The following ADA2 variants were observed in gnomAD, a reference collection of about 807,000 sequenced individuals.
The protein encoded by ADA2 is adenosine deaminase 2, also known as adenosine deaminase CECR1.
Under a neutral mutation model 44.2 loss-of-function variants are expected in ADA2, and 29 were observed. That is an observed-to-expected ratio of 0.66 (90% confidence interval 0.49 to 0.89). The LOEUF (loss-of-function observed/expected upper bound fraction) is 0.89. Among genes scored for constraint, ADA2 ranks in the 40% least tolerant of loss-of-function variants. The pLI, the probability that ADA2 is intolerant of heterozygous loss-of-function variation, is 0.00. For missense variants in ADA2, 637 were observed against 644.8 expected (o/e 0.99, Z 0.13); for synonymous variants, 215 against 234.9 (o/e 0.92, Z 0.77).
intron 5 of ADA2, 61 bp from the exon 6 acceptor site, chr22:17,190,093 G>GA (rs2062096462): frequency 1.5e-6 from 2 of 1,312,974 alleles, no homozygotes; most frequent in African/African-American, 2.9e-5. Flanking sequence ...ACAAACCCCA[G>GA]AGCACACCCT....
At chr22:17,187,543 A>G (rs2062049640) in intron 7 of ADA2, among the ~76,000 whole-genome samples, 1 of 152,016 alleles carries the variant, frequency 6.6e-6, no homozygotes, top group Admixed American at 6.6e-5. Context: ...CACCCACATC[A>G]GCCTCCAAAG....
intron 4 of ADA2, 111 bp from the exon 5 acceptor site, chr22:17,191,921 C>A: frequency 9.1e-7 from 1 of 1,093,822 alleles, no homozygotes; most frequent in African/African-American, 1.6e-5. Context: ...CCCAACCACC[C>A]CCTTCCCAGC....
Position 17,182,713 on chromosome 22 carries a change from A to G in ADA2, c.1130T>C (p.Leu377Pro). The change falls in exon 8 of 10, where the codon CTG (leucine) becomes CCG (proline). Residue 377 changes from leucine (L) to proline (P), a missense_variant. Coordinates refer to ENST00000399837, the MANE Select transcript of ADA2 (RefSeq NM_001282225.2). ...TCCATGGCCGATTCTGGTAGTGTTC[A>G]GCATCAGAGCATCCAGAATGTTCCT... ...IDRNILDALM[L>P]NTTRIGHGFA... 6.2e-7 allele frequency: 1 copy of G among 1,613,990 alleles called. No individual in the cohort carries two copies. The highest frequency in any genetic ancestry group is 8.5e-7 in the Non-Finnish European group (1 of 1,180,042).
chr22:17,193,085 G>T, intron 4 of ADA2: 1 of 1,019,718 alleles, frequency 9.8e-7, no homozygotes, highest in Admixed American at 2.0e-5. Context: ...GTGGTTATGG[G>T]AGCAACAAAA....
chr22:17,199,446 T>TCCCTCCCCTCCTCTATCCACATCCCCA, intron 4 of ADA2: 1 of 917,626 alleles, frequency 1.1e-6, no homozygotes, highest in East Asian at 2.8e-5. Flanking sequence ...CCTCTTCCCC[T>TCCCTCCCCTCCTCTATCCACATCCCCA]CCACCCACGA....
intron 7 of ADA2, among the ~76,000 whole-genome samples, chr22:17,186,000 G>C (rs1478945691): frequency 2.0e-5 from 3 of 152,178 alleles, no homozygotes; most frequent in Non-Finnish European, 4.4e-5. Flanking sequence ...AATACGGGAG[G>C]GGCTGAGATG....
Position 17,209,434 on chromosome 22 carries a change from G to T in ADA2, c.244C>A (p.Pro82Thr), listed in dbSNP as rs758917649. Reference sequence around the variant, plus strand: ...TTGGCCTGGAAAAAGTGCATGCTGGGTGGGAATATCAGGGTCCTCATGGCC... The same window carrying T: ...TTGGCCTGGAAAAAGTGCATGCTGGTTGGGAATATCAGGGTCCTCATGGCC... Reference protein sequence around the residue: ...KEAMRTLIFPPSMHFFQAKHL... With the variant: ...KEAMRTLIFPTSMHFFQAKHL... The change falls in exon 2 of 10, where the codon CCC becomes ACC. Residue 82 changes from proline (P) to threonine (T), a missense_variant. Coordinates refer to ENST00000399837, the MANE Select transcript of ADA2 (RefSeq NM_001282225.2). 1 of 1,613,986 alleles carries T rather than the reference G, an allele frequency of 6.2e-7. No individual in the cohort carries two copies. The highest frequency in any genetic ancestry group is 1.7e-5 in the Admixed American group (1 of 59,996).
At chr22:17,216,488 C>T (rs747116491) in intron 1 of ADA2, among the ~76,000 whole-genome samples, 115 of 152,068 alleles carry the variant, frequency 7.6e-4, no homozygotes, top group Admixed American at 5.2e-4. Flanking sequence ...TAACTAAGAC[C>T]GGGCATGGTG....
intron 1 of ADA2, among the ~76,000 whole-genome samples, chr22:17,210,587 TTTTA>T (rs1214720248): frequency 2.0e-5 from 3 of 151,966 alleles, no homozygotes; most frequent in Non-Finnish European, 2.9e-5. Flanking sequence ...TTTTATTTTA[TTTTA>T]TTTATTTTAA....
chr22:17,195,536 A>T (rs2123671481), intron 4 of ADA2, among the ~76,000 whole-genome samples: 1 of 151,432 alleles, frequency 6.6e-6, no homozygotes, highest in African/African-American at 2.4e-5. Context: ...CTCAAAAAAA[A>T]ACAAAACAAA....
chr22:17,199,758 C>G, intron 4 of ADA2: 1 of 1,454,924 alleles, frequency 6.9e-7, no homozygotes, highest in Non-Finnish European at 9.0e-7. Context: ...AGCTCTTTGA[C>G]CTTTCCAGGC....
At chr22:17,189,527 C>G (rs2062087820) in intron 6 of ADA2, among the ~76,000 whole-genome samples, 1 of 152,250 alleles carries the variant, frequency 6.6e-6, no homozygotes, top group Middle Eastern at 3.4e-3. Flanking sequence ...CCAGACATTA[C>G]CCCCCAGTCC....
intron 8 of ADA2, 87 bp from the exon 9 acceptor site, chr22:17,182,109 G>T: frequency 9.7e-7 from 1 of 1,030,408 alleles, no homozygotes; most frequent in Non-Finnish European, 1.4e-6. Flanking sequence ...AGCCCCATCA[G>T]CTCCCTTCAT....
chr22:17,217,803 G>A (rs1208256529), intron 1 of ADA2, among the ~76,000 whole-genome samples: 1 of 152,096 alleles, frequency 6.6e-6, no homozygotes, highest in Non-Finnish European at 1.5e-5. Flanking sequence ...GCAAGACTCT[G>A]TCTCAAAAAT....
chr22:17,216,785 C>CACACACAT (rs2062478149), intron 1 of ADA2, among the ~76,000 whole-genome samples: 1 of 126,392 alleles, frequency 7.9e-6, no homozygotes, highest in East Asian at 3.8e-4. Context: ...CACACACACA[C>CACACACAT]ACACATATAT....
At chr22:17,202,316 G>T (rs1368078604) in intron 4 of ADA2, among the ~76,000 whole-genome samples, 1 of 151,986 alleles carries the variant, frequency 6.6e-6, no homozygotes, top group Non-Finnish European at 1.5e-5. Context: ...TTTTAGTAGA[G>T]ACAGGGTTTC....
At chr22:17,219,050 G>T (rs2062500096) in intron 1 of ADA2, among the ~76,000 whole-genome samples, 1 of 152,212 alleles carries the variant, frequency 6.6e-6, no homozygotes, top group Non-Finnish European at 1.5e-5. Flanking sequence ...ACAGCTATTA[G>T]GGAGGCTGAG....
intron 7 of ADA2, among the ~76,000 whole-genome samples, chr22:17,183,893 G>A (rs1464401496): frequency 1.3e-5 from 2 of 150,616 alleles, no homozygotes; most frequent in Admixed American, 6.6e-5. Flanking sequence ...GTTATCACTC[G>A]CTAGATGACC....
intron 1 of ADA2, among the ~76,000 whole-genome samples, chr22:17,211,555 C>A (rs2062418311): frequency 6.6e-6 from 1 of 151,572 alleles, no homozygotes; most frequent in Admixed American, 6.6e-5. Flanking sequence ...TTCACCTGAG[C>A]CTGGGAAATC....
Sources: allele counts gnomAD v4.1 joint callset (sites outside exome capture counted in the v4.1 genomes callset), GRCh38; gene constraint gnomAD v4.1.1; transcripts MANE v1.5; gene names NCBI Gene and HGNC (gene_info 2026-07-23, HGNC 2026-07-21).